The following RARB variants were observed in gnomAD, a reference collection of about 807,000 sequenced individuals.
The protein encoded by RARB is retinoic acid receptor beta, also known as HBV-activated protein.
RARB carries 17 observed loss-of-function variants against 51.9 expected under a neutral mutation model. That is an observed-to-expected ratio of 0.33 (90% confidence interval 0.22 to 0.49). The LOEUF is 0.49. Among genes scored for constraint, RARB ranks in the 20% least tolerant of loss-of-function variants. RARB has a pLI of 0.99. For missense variants in RARB, 369 were observed against 550.8 expected (o/e 0.67, Z 3.30); for synonymous variants, 215 against 195.4 (o/e 1.10, Z -0.84).
chr3:25,122,026 T>A (rs971401419), intron 3 of RARB, among the ~76,000 whole-genome samples: 1 of 152,194 alleles, frequency 6.6e-6, no homozygotes, highest in African/African-American at 2.4e-5. Context: ...TATACTTCTT[T>A]GAAAGTCATT....
rs1575084064 is a variant in RARB at position 24,944,414 on chromosome 3, T to G, written c.-380+85662T>G. 2.0e-5 allele frequency among the ~76,000 whole-genome samples: 3 copies of G among 152,252 alleles called. No homozygotes were observed. In the East Asian group the frequency reaches 5.8e-4, roughly 29 times the overall value. ...AGGATTCAACTATGTATTCAATATT[T>G]GATTTGCATTATCTCATTTAATCCA... On this transcript the variant is annotated intron_variant, in intron 2 of 11. Transcript: ENST00000383772.
At chr3:24,869,608 C>A (rs1702910010) in intron 2 of RARB, among the ~76,000 whole-genome samples, 1 of 152,046 alleles carries the variant, frequency 6.6e-6, no homozygotes, top group Admixed American at 6.6e-5. Flanking sequence ...GTATGAATTT[C>A]TTTTCATTAT....
intron 1 of RARB, among the ~76,000 whole-genome samples, chr3:24,832,650 T>TATATATAA (rs1276684176): frequency 7.2e-6 from 1 of 138,976 alleles, no homozygotes; most frequent in Non-Finnish European, 1.6e-5. Context: ...TATATATATA[T>TATATATAA]AATGTCAATT....
At chr3:25,175,795 C>A (rs1329470166) in intron 5 of RARB, among the ~76,000 whole-genome samples, 1 of 152,126 alleles carries the variant, frequency 6.6e-6, no homozygotes, top group Admixed American at 6.5e-5. Flanking sequence ...GAACATTTGA[C>A]CCTCATGTCT....
chr3:25,403,294 C>A (rs553722881), intron 5 of RARB, among the ~76,000 whole-genome samples: 1 of 152,218 alleles, frequency 6.6e-6, no homozygotes, highest in Admixed American at 6.5e-5. Context: ...ATGATAAATG[C>A]TTGAGGGGAT....
intron 2 of RARB, among the ~76,000 whole-genome samples, chr3:24,862,935 G>C (rs1235101926): frequency 6.6e-6 from 1 of 152,164 alleles, no homozygotes; most frequent in African/African-American, 2.4e-5. Context: ...AGAAATACTG[G>C]AGCTTTAGTG....
chr3:25,226,746 T>C (rs1259768938), intron 5 of RARB, among the ~76,000 whole-genome samples: 1 of 152,136 alleles, frequency 6.6e-6, no homozygotes, highest in East Asian at 1.9e-4. Context: ...TCCTTTCCTA[T>C]CAGGCTGCTC....
chr3:25,388,066 C>T (rs1706847423), intron 5 of RARB, among the ~76,000 whole-genome samples: 1 of 152,006 alleles, frequency 6.6e-6, no homozygotes, highest in Admixed American at 6.6e-5. Flanking sequence ...AATGGAAATG[C>T]CACATTAACC....
intron 5 of RARB, among the ~76,000 whole-genome samples, chr3:25,365,777 A>G (rs1531871): frequency 0.62 from 93,974 of 152,082 alleles, 29,795 homozygotes; most frequent in East Asian, 0.85. Context: ...AACCATGGAG[A>G]CCTCAGGGTA....
chr3:25,550,670 TACACCTAGCAACCCATC>T (rs1230880761), intron 3 of RARB, among the ~76,000 whole-genome samples: 1 of 152,224 alleles, frequency 6.6e-6, no homozygotes, highest in Non-Finnish European at 1.5e-5. Context: ...GCAGGTTTGT[TACACCTAGCAACCCATC>T]ACTTAGGTAT....
intron 5 of RARB, among the ~76,000 whole-genome samples, chr3:25,313,472 T>C (rs1316077315): frequency 2.0e-5 from 3 of 152,226 alleles, no homozygotes; most frequent in South Asian, 2.1e-4. Flanking sequence ...CCTGGTATGA[T>C]GTCAGCGAGT....
At chr3:25,322,008 GAAAA>G (rs1158272494) in intron 5 of RARB, among the ~76,000 whole-genome samples, 1 of 149,928 alleles carries the variant, frequency 6.7e-6, no homozygotes, top group African/African-American at 2.5e-5. Flanking sequence ...AATGTTTGTA[GAAAA>G]AAAAAGACAG....
At chr3:25,238,150 GC>G (rs1259539366) in intron 5 of RARB, among the ~76,000 whole-genome samples, 1 of 151,668 alleles carries the variant, frequency 6.6e-6, no homozygotes, top group Non-Finnish European at 1.5e-5. Context: ...ATCCTCCAGC[GC>G]CCCCCCACAC....
chr3:25,528,346 C>G (rs1698745450), intron 3 of RARB, among the ~76,000 whole-genome samples: 1 of 152,142 alleles, frequency 6.6e-6, no homozygotes, highest in Admixed American at 6.6e-5. Context: ...TGAGTCCAGA[C>G]AGCTTGGTGT....
intron 5 of RARB, among the ~76,000 whole-genome samples, chr3:25,201,350 T>C (rs1168142904): frequency 6.6e-6 from 1 of 152,194 alleles, no homozygotes; most frequent in Non-Finnish European, 1.5e-5. Flanking sequence ...TGGGGTTTTC[T>C]AGATATACAA....
intron 5 of RARB, among the ~76,000 whole-genome samples, chr3:25,408,291 A>G (rs996942887): frequency 6.6e-6 from 1 of 152,104 alleles, no homozygotes; most frequent in South Asian, 2.1e-4. Context: ...GGTTTAGTTG[A>G]CTCACATTTC....
intron 2 of RARB, chr3:25,024,945 C>T (rs1428746411): frequency 9.0e-6 from 1 of 110,964 alleles, no homozygotes; most frequent in African/African-American, 3.4e-5. Flanking sequence ...CAGAGTGAGA[C>T]TCCGTCTCAA....
chr3:25,557,605 GCCTGGCACCTTGCATCTGCTAT>G (rs1334264236), intron 3 of RARB, among the ~76,000 whole-genome samples: 1 of 152,076 alleles, frequency 6.6e-6, no homozygotes, highest in African/African-American at 2.4e-5. Context: ...CCTTCCTGCT[GCCTGGCACCTTGCATCTGCTAT>G]CCTGGCACTT....
rs200924850 is a variant in RARB, at chr3:25,466,178, A to ATTGTT, written c.306+4855_306+4859dup. ...CTAAGTGGCACATACATGCTTAGTT[A>ATTGTT]TTGTTTTGTTTTGTTTTGTTTTTGT... On this transcript the variant is annotated intron_variant, in intron 2 of 7. Coordinates refer to ENST00000330688, the MANE Select transcript of RARB (RefSeq NM_000965.5). Among the ~76,000 whole-genome samples the ATTGTT allele has an allele frequency of 1.8e-3, 274 of 152,228 alleles. 7 individuals are homozygous for ATTGTT. The East Asian group carries it at 0.036, about 20-fold the overall frequency.
Sources: gnomAD v4.1 joint callset for allele counts (sites outside exome capture counted in the v4.1 genomes callset) on GRCh38, gnomAD v4.1.1 for gene constraint, MANE v1.5 for transcripts, NCBI Gene and HGNC (gene_info 2026-07-23, HGNC 2026-07-21) for gene names.